Variants in SPNS2 observed in about 807,000 individuals in gnomAD.
SPNS2 encodes SPNS lysolipid transporter 2, sphingosine-1-phosphate.
Under a neutral mutation model 57.6 loss-of-function variants are expected in SPNS2, and 37 were observed. The ratio of observed to expected loss-of-function variants is 0.64; its 90% CI spans 0.49 to 0.85. The LOEUF (loss-of-function observed/expected upper bound fraction) is 0.85. SPNS2 is among the 40% of genes least tolerant of loss of function. SPNS2 has a pLI of 0.00. For synonymous variants in SPNS2, 440 were observed against 346.9 expected (o/e 1.27, Z -2.98); for missense variants, 831 against 779.1 (o/e 1.07, Z -0.79).
chr17:4,536,548 C>A, intron 11 of SPNS2, 122 bp downstream of exon 11: 1 of 1,233,174 alleles, frequency 8.1e-7, no homozygotes, highest in Non-Finnish European at 1.1e-6. Flanking sequence ...CTCAGTGCAC[C>A]CACTGGTTGC....
chr17:4,523,072 C>T (rs1337383917), intron 2 of SPNS2, among the ~76,000 whole-genome samples: 1 of 152,228 alleles, frequency 6.6e-6, no homozygotes, highest in Non-Finnish European at 1.5e-5. Context: ...CTGTTCTTGC[C>T]CCAATAATTG....
At chr17:4,532,462 G>A (rs1905529918) in intron 5 of SPNS2, 80 bp from the exon 6 acceptor site, 11 of 1,596,608 alleles carry the variant, frequency 6.9e-6, no homozygotes, top group Non-Finnish European at 9.4e-6. Flanking sequence ...GAGAAGGCAT[G>A]GGCTTGCCTG....
At chr17:4,504,472 G>A (rs887359950) in intron 1 of SPNS2, among the ~76,000 whole-genome samples, 2 of 152,212 alleles carry the variant, frequency 1.3e-5, no homozygotes, top group Non-Finnish European at 2.9e-5. Flanking sequence ...CCGGTGATGG[G>A]CCTGGCCTGT....
At chr17:4,501,462 G>A (rs1904508827) in intron 1 of SPNS2, among the ~76,000 whole-genome samples, 1 of 152,154 alleles carries the variant, frequency 6.6e-6, no homozygotes, top group African/African-American at 2.4e-5. Context: ...TGGTGGCTAA[G>A]AGGGGCGTGG....
At chr17:4,530,960 G>T in intron 4 of SPNS2, 93 bp from the exon 5 acceptor site, 1 of 1,519,652 alleles carries the variant, frequency 6.6e-7, no homozygotes, top group East Asian at 2.4e-5. Flanking sequence ...TGGCTGGGTG[G>T]GGAGGGTGGG....
At position 4,532,642 on chromosome 17, in the gene SPNS2, C is replaced by A. The variant is rs2144367287; in HGVS notation, c.893C>A (p.Ala298Asp). Residue 298 changes from alanine (A) to aspartate (D), a missense_variant, in exon 6 of 13, where the codon GCC becomes GAC. Coordinates refer to ENST00000329078, the MANE Select transcript of SPNS2 (RefSeq NM_001124758.3). Reference protein sequence around the residue: ...HADQLGDQLKARTSWLRDMKA... With the variant: ...HADQLGDQLKDRTSWLRDMKA... ...GACCAGCTCGGGGACCAGCTCAAGG[C>A]CCGGACCTCATGGCTCCGAGATATG... is the stretch of plus-strand genomic sequence containing the variant. 2 of 1,613,998 alleles carry A rather than the reference C, an allele frequency of 1.2e-6. No homozygotes were observed. The highest frequency in any genetic ancestry group is 1.7e-6 in the Non-Finnish European group (2 of 1,179,948).
intron 3 of SPNS2, among the ~76,000 whole-genome samples, chr17:4,529,273 T>G (rs1158226229): frequency 7.3e-4 from 110 of 150,926 alleles, no homozygotes; most frequent in Non-Finnish European, 4.0e-4. Flanking sequence ...AGAGACGAGG[T>G]CTCACTATGT....
intron 1 of SPNS2, among the ~76,000 whole-genome samples, chr17:4,507,548 C>T (rs1904714964): frequency 6.6e-6 from 1 of 152,212 alleles, no homozygotes; most frequent in African/African-American, 2.4e-5. Flanking sequence ...CAAATTAAGC[C>T]ATATTACAGA....
chr17:4,535,127 C>T (rs1436800285), intron 9 of SPNS2, among the ~76,000 whole-genome samples: 1 of 152,170 alleles, frequency 6.6e-6, no homozygotes, highest in African/African-American at 2.4e-5. Flanking sequence ...GGAACAGGGG[C>T]TGCCTGGGCA....
At chr17:4,534,717 G>A (rs1195196058) in intron 9 of SPNS2, among the ~76,000 whole-genome samples, 4 of 152,150 alleles carry the variant, frequency 2.6e-5, no homozygotes, top group African/African-American at 7.2e-5. Context: ...TCCATGGGCT[G>A]CGGTGGTGGT....
intron 2 of SPNS2, among the ~76,000 whole-genome samples, chr17:4,514,706 G>C (rs1378922598): frequency 6.6e-6 from 1 of 152,238 alleles, no homozygotes; most frequent in African/African-American, 2.4e-5. Context: ...GGTCTCCCTG[G>C]CTAGGCCAGA....
rs1195144731 is a variant in SPNS2, at chr17:4,533,085, G to T, written c.1044G>T (p.Lys348Asn). 6.2e-7 allele frequency: 1 copy of T among 1,612,910 alleles called. No homozygotes were observed. Among genetic ancestry groups the T allele is most frequent in the Non-Finnish European group, 8.5e-7 (1 of 1,179,790 alleles). ...TGCACCGCGCCCAAGTTGTGCAGAA[G>T]ACAGCAGAGACGTGCAACAGCCCGC... ...LYLHRAQVVQ[K>N]TAETCNSPPC... Residue 348 changes from lysine (K) to asparagine (N), a missense_variant, in exon 7 of 13, where the codon AAG becomes AAT. Coordinates refer to ENST00000329078, the MANE Select transcript of SPNS2 (RefSeq NM_001124758.3).
At position 4,525,223 on chromosome 17, in the gene SPNS2, CCT is replaced by C. The variant is rs1491211836; in HGVS notation, c.573+31_573+32del. On this transcript the variant is annotated intron_variant, in intron 3 of 12. Transcript: ENST00000329078. ...GGCCCGGCTCGGCTTCTCCCCGACC[CCT>C]GTGTCCTGGTCCCTCCAGCGAGTGG... 45 of 1,611,770 alleles carry C rather than the reference CCT, an allele frequency of 2.8e-5. No individual in the cohort carries two copies. In the African/African-American group the frequency reaches 4.4e-4, roughly 16 times the overall value.
intron 11 of SPNS2, 75 bp downstream of exon 11, chr17:4,536,501 C>T: frequency 1.4e-6 from 2 of 1,474,074 alleles, no homozygotes; most frequent in South Asian, 1.2e-5. Context: ...GAGCCCTGCC[C>T]TGGGGTGGGG....
rs1447348067 is a variant in SPNS2 at position 4,498,970 on chromosome 17, C to T, written c.-78C>T. On this transcript the variant is annotated 5_prime_UTR_variant, in exon 1 of 13. Coordinates refer to ENST00000329078, the MANE Select transcript of SPNS2 (RefSeq NM_001124758.3). ...CCAGGATGGTGCAGTGGCGGCTCCG[C>T]GGCGCACGCACGCGCTGAGCGGGCC... 11 of 926,860 alleles carry T rather than the reference C, an allele frequency of 1.2e-5. No homozygotes were observed. The highest frequency in any genetic ancestry group is 1.4e-5 in the Non-Finnish European group (11 of 777,278). The allele number at this position is 926,860 out of a possible 1,614,324, so 57.4% of individuals were successfully genotyped here.
intron 2 of SPNS2, among the ~76,000 whole-genome samples, chr17:4,522,740 ACTG>A (rs1321990710): frequency 1.3e-5 from 2 of 152,136 alleles, no homozygotes; most frequent in Non-Finnish European, 2.9e-5. Flanking sequence ...CAGCTGTGGG[ACTG>A]CTTTCCAGGG....
chr17:4,519,137 A>G (rs1905072446), intron 2 of SPNS2, among the ~76,000 whole-genome samples: 1 of 152,052 alleles, frequency 6.6e-6, no homozygotes, highest in African/African-American at 2.4e-5. Context: ...CAGGATGTGG[A>G]GGATGGTAGG....
intron 2 of SPNS2, among the ~76,000 whole-genome samples, chr17:4,516,325 A>AC (rs1904988046): frequency 8.8e-6 from 1 of 113,228 alleles, no homozygotes; most frequent in African/African-American, 3.5e-5. Flanking sequence ...CCAAAAAAAA[A>AC]AAAAAAAAAA....
rs58654046 is a variant in SPNS2, at chr17:4,532,135, C to G, written c.793-407C>G. ...TCCACCATCCGTCCGTCTATCTATC[C>G]GTTCATCCATCTGTCCATCCGTCTG... is the stretch of plus-strand genomic sequence containing the variant. On this transcript the variant is annotated intron_variant, in intron 5 of 12. Transcript: ENST00000329078. Among the ~76,000 whole-genome samples, 723 of 149,260 alleles carry G rather than the reference C, an allele frequency of 4.8e-3. 5 individuals are homozygous for G. The highest frequency in any genetic ancestry group is 0.016 in the African/African-American group (665 of 40,656).
Sources: gnomAD v4.1 joint callset for allele counts (sites outside exome capture counted in the v4.1 genomes callset) on GRCh38, gnomAD v4.1.1 for gene constraint, MANE v1.5 for transcripts, NCBI Gene and HGNC (gene_info 2026-07-23, HGNC 2026-07-21) for gene names.